Variants in ZBBX observed in about 807,000 individuals in gnomAD.
The protein encoded by ZBBX is zinc finger B-box domain-containing protein 1.
Under a neutral mutation model 108.5 loss-of-function variants are expected in ZBBX, and 101 were observed. The ratio of observed to expected loss-of-function variants is 0.93; its 90% CI spans 0.79 to 1.10. ZBBX has a LOEUF of 1.10. Among genes scored for constraint, ZBBX ranks in the 50% least tolerant of loss-of-function variants. The pLI is 0.00. For missense variants in ZBBX, 1,009 were observed against 941.4 expected, an observed-to-expected ratio of 1.07 and a Z score of -0.94; for synonymous variants, 356 against 323.4, an observed-to-expected ratio of 1.10 and a Z score of -1.08.
the ZBBX span, among the ~76,000 whole-genome samples, chr3:167,228,375 C>T: frequency 2.6e-5 from 4 of 151,766 alleles, no homozygotes; most frequent in African/African-American, 9.7e-5. Flanking sequence ...CTGCACTAAA[C>T]ATGTGCACGG....
chr3:167,348,413 G>A (rs910766566), intron 9 of ZBBX, among the ~76,000 whole-genome samples: 1 of 108,934 alleles, frequency 9.2e-6, no homozygotes, highest in East Asian at 3.0e-4. Flanking sequence ...AGAGGAGAGA[G>A]AGAAAGAGAA....
intron 18 of ZBBX, among the ~76,000 whole-genome samples, chr3:167,297,588 A>C (rs573867210): frequency 2.0e-5 from 3 of 152,178 alleles, no homozygotes; most frequent in Admixed American, 6.5e-5. Context: ...AACAGAGTAA[A>C]AGGGCAATCC....
chr3:167,271,319 C>T (rs1041070282), intron 20 of ZBBX, among the ~76,000 whole-genome samples: 4 of 152,168 alleles, frequency 2.6e-5, no homozygotes. Context: ...TTCCAGACAA[C>T]AGAAAAGCCT....
At chr3:167,383,969 T>A (rs1747825654), upstream of ZBBX, among the ~76,000 whole-genome samples, 2 of 152,082 alleles carry the variant, frequency 1.3e-5, no homozygotes, top group African/African-American at 4.8e-5. Flanking sequence ...AAACATAGTA[T>A]ATGTGGCAAA....
chr3:167,341,051 T>C (rs1740451875), intron 9 of ZBBX, among the ~76,000 whole-genome samples: 1 of 151,986 alleles, frequency 6.6e-6, no homozygotes, highest in South Asian at 2.1e-4. Context: ...GTGAAATTCA[T>C]GTGGCTGAAA....
the ZBBX span, among the ~76,000 whole-genome samples, chr3:167,181,018 T>C: frequency 6.6e-6 from 1 of 152,208 alleles, no homozygotes; most frequent in Non-Finnish European, 1.5e-5. Flanking sequence ...ATAAGTCCTC[T>C]AAAGCCTCCA....
At chr3:167,202,815 C>G in the ZBBX span, among the ~76,000 whole-genome samples, 104 of 152,050 alleles carry the variant, frequency 6.8e-4, no homozygotes, top group Non-Finnish European at 1.3e-3. Flanking sequence ...TAATCACACC[C>G]CCAGATTATC....
chr3:167,314,110 A>G lies in ZBBX; in HGVS notation c.1281T>C (p.Ala427=). The G allele has an allele frequency of 6.3e-7, 1 of 1,584,846 alleles. No homozygotes were observed. The highest frequency in any genetic ancestry group is 8.6e-7 in the Non-Finnish European group (1 of 1,168,556). ...AGCTATTCTTCTGACAATCATGAAA[A>G]GCACAACTTTCACATGTAGGAACAA... is the stretch of plus-strand genomic sequence containing the variant. ...LADADSQRSC[A]FHDCQKNSFP... is the part of the protein sequence containing the mutation. Residue 427 remains alanine, a synonymous_variant, in exon 16 of 22, where the codon GCT becomes GCC. Transcript: ENST00000675490.
intron 4 of ZBBX, among the ~76,000 whole-genome samples, chr3:167,369,674 T>C (rs1294891550): frequency 6.6e-6 from 1 of 152,022 alleles, no homozygotes; most frequent in African/African-American, 2.4e-5. Context: ...ATAAAGGTAA[T>C]TGAAATATAG....
intron 20 of ZBBX, among the ~76,000 whole-genome samples, chr3:167,279,266 G>T (rs1015566136): frequency 3.3e-5 from 5 of 152,140 alleles, no homozygotes; most frequent in Non-Finnish European, 7.4e-5. Context: ...GCAGGAGAAG[G>T]AAATAAAGGG....
At chr3:167,381,133 C>T (rs1209700664), upstream of ZBBX, among the ~76,000 whole-genome samples, 3 of 151,950 alleles carry the variant, frequency 2.0e-5, no homozygotes, top group Non-Finnish European at 4.4e-5. Context: ...AATCTTTACA[C>T]CATTACTTTT....
chr3:167,247,678 G>A (rs1721822673), intron 20 of ZBBX, among the ~76,000 whole-genome samples: 1 of 152,124 alleles, frequency 6.6e-6, no homozygotes, highest in Non-Finnish European at 1.5e-5. Context: ...GTGTCTATCT[G>A]TATGATCCCC....
At chr3:167,202,771 T>C in the ZBBX span, among the ~76,000 whole-genome samples, 8 of 152,102 alleles carry the variant, frequency 5.3e-5, no homozygotes, top group African/African-American at 1.9e-4. Flanking sequence ...GTAAAACCTG[T>C]TTTACCACTC....
chr3:167,301,080 C>T (rs1258918448), intron 17 of ZBBX, among the ~76,000 whole-genome samples: 1 of 152,192 alleles, frequency 6.6e-6, no homozygotes, highest in African/African-American at 2.4e-5. Flanking sequence ...TCCTCCCACT[C>T]ATCACCCTCT....
chr3:167,299,785 CT>C (rs1732327951), intron 17 of ZBBX, among the ~76,000 whole-genome samples: 1 of 152,076 alleles, frequency 6.6e-6, no homozygotes, highest in South Asian at 2.1e-4. Context: ...ATGGCTTCTA[CT>C]AGGACAGAAA....
intron 20 of ZBBX, among the ~76,000 whole-genome samples, chr3:167,264,728 A>T (rs1404392728): frequency 6.6e-6 from 1 of 152,194 alleles, no homozygotes; most frequent in Non-Finnish European, 1.5e-5. Flanking sequence ...TTTCACAGTC[A>T]ACAATCTCAG....
At chr3:167,323,240 G>C (rs1367802583) in intron 11 of ZBBX, among the ~76,000 whole-genome samples, 919 of 71,592 alleles carry the variant, frequency 0.013, 18 homozygotes, top group Middle Eastern at 0.05. Flanking sequence ...GCTAAAAGAG[G>C]GGGGGGGGGG....
At chr3:167,184,331 A>G in the ZBBX span, among the ~76,000 whole-genome samples, 1 of 152,100 alleles carries the variant, frequency 6.6e-6, no homozygotes, top group African/African-American at 2.4e-5. Flanking sequence ...GATGTTATGC[A>G]CTATCCAGGC....
chr3:167,381,297 T>C (rs1747702280), upstream of ZBBX: 1 of 152,170 alleles, frequency 6.6e-6, no homozygotes, highest in Non-Finnish European at 1.5e-5. Context: ...AGATTCAAGA[T>C]TGAGTGCCAG....
Sources: allele counts gnomAD v4.1 joint callset (sites outside exome capture counted in the v4.1 genomes callset), GRCh38; gene constraint gnomAD v4.1.1; transcripts MANE v1.5; gene names NCBI Gene and HGNC (gene_info 2026-07-23, HGNC 2026-07-21).